Variants in FRMPD4 observed in about 807,000 individuals in gnomAD.
The protein encoded by FRMPD4 is FERM and PDZ domain-containing protein 4.
Under a neutral mutation model 94.1 loss-of-function variants are expected in FRMPD4, and 22 were observed. The ratio of observed to expected loss-of-function variants is 0.23; its 90% CI spans 0.17 to 0.33. The LOEUF (loss-of-function observed/expected upper bound fraction) is 0.33, where lower values mean the gene tolerates loss of function less well. FRMPD4 is among the 10% of genes least tolerant of loss of function. The pLI is 1.00. For missense variants in FRMPD4, 1,111 were observed against 1,339.9 expected (o/e 0.83, Z 2.67); for synonymous variants, 631 against 548.6 (o/e 1.15, Z -2.10).
At chrX:12,534,363 G>C (rs972479019) in intron 2 of FRMPD4, among the ~76,000 whole-genome samples, 1 of 112,513 alleles carries the variant, frequency 8.9e-6, no homozygotes. Context: ...GGAAATGTGG[G>C]ATTGGAGCCC....
chrX:12,316,695 A>G (rs1208394639), intron 1 of FRMPD4, among the ~76,000 whole-genome samples: 1 of 110,917 alleles, frequency 9.0e-6, no homozygotes. Flanking sequence ...TAAATCCACT[A>G]CTAGGTGTGC....
chrX:12,680,643 C>A (rs369988311), intron 5 of FRMPD4, among the ~76,000 whole-genome samples: 1 of 112,056 alleles, frequency 8.9e-6, no homozygotes, highest in Middle Eastern at 4.6e-3. Context: ...AAGTTTACCC[C>A]GAGTCTGTTG....
intron 4 of FRMPD4, among the ~76,000 whole-genome samples, chrX:12,642,572 G>C (rs761159510): frequency 8.9e-6 from 1 of 112,759 alleles, no homozygotes; most frequent in East Asian, 2.8e-4. Flanking sequence ...GGCCAAATCT[G>C]GCCTACTACC....
At chrX:12,285,461 T>C (rs2054587138) in intron 1 of FRMPD4, among the ~76,000 whole-genome samples, 1 of 111,048 alleles carries the variant, frequency 9.0e-6, no homozygotes, top group African/African-American at 3.3e-5. Context: ...TGAGATGTTG[T>C]GGAAGTGACT....
chrX:12,569,794 G>A (rs753480370), intron 2 of FRMPD4, among the ~76,000 whole-genome samples: 56 of 112,083 alleles, frequency 5.0e-4, no homozygotes, highest in African/African-American at 1.8e-3. Context: ...TCAATCTGGA[G>A]GTAAATGTCT....
intron 2 of FRMPD4, among the ~76,000 whole-genome samples, chrX:12,534,351 A>C (rs2058316492): frequency 8.9e-6 from 1 of 112,683 alleles, no homozygotes; most frequent in Admixed American, 9.3e-5. Flanking sequence ...GCAGTTCAGA[A>C]GGGAAATGTG....
At chrX:12,002,252 C>A (rs2054528265) in intron 3 of FRMPD4, among the ~76,000 whole-genome samples, 1 of 111,753 alleles carries the variant, frequency 8.9e-6, no homozygotes, top group South Asian at 3.8e-4. Flanking sequence ...CTTTACACAG[C>A]TCAAATGATA....
intron 1 of FRMPD4, among the ~76,000 whole-genome samples, chrX:12,284,505 T>C (rs1601778030): frequency 9.0e-6 from 1 of 111,563 alleles, no homozygotes; most frequent in African/African-American, 3.3e-5. Context: ...CCTTCCCAAA[T>C]TGTCATAGGC....
intron 1 of FRMPD4, among the ~76,000 whole-genome samples, chrX:12,205,809 G>A (rs942641328): frequency 9.8e-5 from 11 of 112,216 alleles, no homozygotes; most frequent in African/African-American, 3.6e-4. Context: ...TTTGTGTAAT[G>A]TATTCAGCAA....
At chrX:12,477,188 A>T (rs778473118) in intron 1 of FRMPD4, among the ~76,000 whole-genome samples, 55 of 111,559 alleles carry the variant, frequency 4.9e-4, no homozygotes, top group African/African-American at 1.6e-3. Flanking sequence ...CATCATTCTC[A>T]GCAAACTATG....
intron 1 of FRMPD4, among the ~76,000 whole-genome samples, chrX:11,854,123 G>A (rs779432729): frequency 5.4e-5 from 6 of 111,694 alleles, no homozygotes; most frequent in Admixed American, 9.5e-5. Context: ...CAGCAGGGGA[G>A]AGAATGAGTG....
intron 1 of FRMPD4, among the ~76,000 whole-genome samples, chrX:12,298,801 A>G (rs5935291): frequency 0.1 from 11,323 of 112,116 alleles, 464 homozygotes; most frequent in Admixed American, 0.17. Context: ...TAAAAGGTGC[A>G]TGGCCAATGG....
At chrX:12,159,838 C>G (rs2055994061) in intron 1 of FRMPD4, among the ~76,000 whole-genome samples, 1 of 112,073 alleles carries the variant, frequency 8.9e-6, no homozygotes, top group Non-Finnish European at 1.9e-5. Flanking sequence ...CACTTCTTCA[C>G]AAATTGAATG....
chrX:12,464,297 T>G (rs929762472), intron 1 of FRMPD4, among the ~76,000 whole-genome samples: 1 of 111,885 alleles, frequency 8.9e-6, no homozygotes, highest in Non-Finnish European at 1.9e-5. Flanking sequence ...CTATCCACCA[T>G]AGCTACATGA....
chrX:12,357,660 A>T (rs1312106829), intron 1 of FRMPD4, among the ~76,000 whole-genome samples: 1 of 112,155 alleles, frequency 8.9e-6, no homozygotes, highest in Non-Finnish European at 1.9e-5. Context: ...CATAGAATGA[A>T]AACAAGTTGT....
At chrX:12,336,250 T>C (rs3924974) in intron 1 of FRMPD4, among the ~76,000 whole-genome samples, 4,881 of 111,701 alleles carry the variant, frequency 0.044, 281 homozygotes, top group African/African-American at 0.15. Context: ...TATATATCTC[T>C]GTCCAATTTC....
At chrX:12,669,625 T>C (rs777434197) in intron 4 of FRMPD4, among the ~76,000 whole-genome samples, 1 of 112,237 alleles carries the variant, frequency 8.9e-6, no homozygotes, top group Non-Finnish European at 1.9e-5. Context: ...TTTGCATATA[T>C]GATTAAGTCA....
intron 1 of FRMPD4, among the ~76,000 whole-genome samples, chrX:12,335,294 T>A (rs2055499175): frequency 9.1e-6 from 1 of 110,057 alleles, no homozygotes; most frequent in Non-Finnish European, 1.9e-5. Context: ...ACCCAGCTAA[T>A]TTTTAAACTT....
intron 3 of FRMPD4, among the ~76,000 whole-genome samples, chrX:12,086,928 C>T (rs997837870): frequency 9.0e-6 from 1 of 111,200 alleles, no homozygotes; most frequent in African/African-American, 3.3e-5. Context: ...CTGAGGTCCC[C>T]ACTCTCTTGC....
Sources: gnomAD v4.1 joint callset for allele counts (sites outside exome capture counted in the v4.1 genomes callset) on GRCh38, gnomAD v4.1.1 for gene constraint, MANE v1.5 for transcripts, NCBI Gene and HGNC (gene_info 2026-07-23, HGNC 2026-07-21) for gene names.